OBSL1: variants seen among roughly 807,000 people sequenced by gnomAD.
OBSL1 encodes obscurin like cytoskeletal adaptor 1.
OBSL1 carries 160 observed loss-of-function variants against 172.0 expected under a neutral mutation model. The ratio of observed to expected loss-of-function variants is 0.93; its 90% CI spans 0.82 to 1.06. The LOEUF (loss-of-function observed/expected upper bound fraction) is 1.06. Among genes scored for constraint, OBSL1 ranks in the 50% least tolerant of loss-of-function variants. OBSL1 has a pLI of 0.00. For synonymous variants in OBSL1, 1,200 were observed against 1,196.3 expected, an observed-to-expected ratio of 1.00 and a Z score of -0.06; for missense variants, 2,681 against 2,715.4, an observed-to-expected ratio of 0.99 and a Z score of 0.28.
rs199584687 is a variant in OBSL1, at chr2:219,562,468, C to T, written c.2887G>A (p.Glu963Lys). 1.6e-4 allele frequency: 255 copies of T among 1,613,906 alleles called. No homozygotes were observed. The highest frequency in any genetic ancestry group is 7.7e-5 in the South Asian group (7 of 91,092). The change falls in exon 8 of 21, where the codon GAG (glutamate) becomes AAG (lysine). Residue 963 changes from glutamate (E) to lysine (K), a missense_variant. Coordinates refer to ENST00000404537, the MANE Select transcript of OBSL1 (RefSeq NM_015311.3). ...RRLVLPAVQL[E>K]DSGEYLCEID... ...TCACACAAGTACTCGCCGGAGTCCT[C>T]GAGCTGGACAGCGGGCAGCACCAGG...
Position 219,558,432 on chromosome 2 carries a change from G to C in OBSL1, c.3254C>G (p.Ala1085Gly). Residue 1085 changes from alanine (A) to glycine (G), a missense_variant, in exon 10 of 21, where the codon GCA (alanine) becomes GGA (glycine). This residue lies in a region of OBSL1 where 1,765 missense variants were observed against 1,748.3 expected (regional missense o/e 1.01). Coordinates refer to ENST00000404537, the MANE Select transcript of OBSL1 (RefSeq NM_015311.3). Reference protein sequence around the residue: ...TAPPERIVHPAARSLDLHFGA... With the variant: ...TAPPERIVHPGARSLDLHFGA... ...AAAATGCAGATCCAGGGAGCGGGCT[G>C]CCGGGTGCACAATCCTCTCTGGTGG... 6.3e-7 allele frequency: 1 copy of C among 1,577,366 alleles called. No individual in the cohort carries two copies.
At chr2:219,561,867 A>T (rs1320881453) in intron 8 of OBSL1, 1 of 717,240 alleles carries the variant, frequency 1.4e-6, no homozygotes, top group African/African-American at 1.7e-5. Context: ...GTGGGCCCCA[A>T]ACTATGGGGG....
In OBSL1 at chr2:219,551,716, C is replaced by T. The variant is rs371764312; in HGVS notation, c.5496G>A (p.Val1832=). The T allele has an allele frequency of 5.6e-6, 9 of 1,609,962 alleles. No homozygotes were observed. In the African/African-American group the frequency reaches 1.2e-4, roughly 21 times the overall value. ...VGRRAVLEVT[V]SRSGGHVCWL... ...AGCACACGTGGCCCCCCGAGCGGGACACAGTCACCTCCAGCACCGCCCGGC... is the reference window on the plus strand; with the variant it reads ...AGCACACGTGGCCCCCCGAGCGGGATACAGTCACCTCCAGCACCGCCCGGC... Residue 1832 remains valine, a synonymous_variant, in exon 20 of 21, where the codon GTG becomes GTA. Coordinates refer to ENST00000404537, the MANE Select transcript of OBSL1 (RefSeq NM_015311.3).
In OBSL1 at chr2:219,552,608, C is replaced by T; in HGVS notation, c.5236G>A (p.Glu1746Lys). The part of the protein sequence containing the change: ...ATFECTVSEV[E>K]TTGRWELGGR... ...CCGAGCTCCCAGCGCCCCGTGGTCT[C>T]GACCTCCGACACGGTGCACTCGAAC... The change falls in exon 18 of 21, where the codon GAG becomes AAG. Residue 1746 changes from glutamate to lysine, a missense_variant. Around this residue, in one of 5 missense-constraint regions of OBSL1, gnomAD observed 1,765 missense variants for 1,748.3 expected, o/e 1.01. Coordinates refer to ENST00000404537, the MANE Select transcript of OBSL1 (RefSeq NM_015311.3). 1.9e-6 allele frequency: 3 copies of T among 1,577,022 alleles called. No individual in the cohort carries two copies. Among genetic ancestry groups the T allele is most frequent in the Non-Finnish European group, 2.6e-6 (3 of 1,167,922 alleles).
chr2:219,571,416 T>TGCGGCGGCG lies in OBSL1; in HGVS notation c.-193_-185dup, dbSNP rs949845983. ...TACCCTCGGCCCCGAGCTGCAGCTC[T>TGCGGCGGCG]GCGGCGGCGGCGGCGGCGATTCCCG... On this transcript the variant is annotated 5_prime_UTR_variant, in exon 1 of 21. Transcript: ENST00000404537. 5.8e-6 allele frequency: 2 copies of TGCGGCGGCG among 347,204 alleles called. No individual in the cohort carries two copies. Among genetic ancestry groups the TGCGGCGGCG allele is most frequent in the Non-Finnish European group, 1.0e-5 (2 of 197,786 alleles). 21.5% of individuals were successfully genotyped at this position (347,204 alleles called of 1,614,324 possible).
chr2:219,549,936 C>A, downstream of OBSL1: 2 of 1,549,094 alleles, frequency 1.3e-6, no homozygotes, highest in Non-Finnish European at 8.8e-7. Context: ...AGCCTCCTGG[C>A]TTTGGCTGTC....
Position 219,551,743 on chromosome 2 carries a change from G to GC in OBSL1, c.5468dup (p.Arg1824ProfsTer30). On this transcript the variant is annotated frameshift_variant, in exon 20 of 21. Coordinates refer to ENST00000404537, the MANE Select transcript of OBSL1 (RefSeq NM_015311.3). LOFTEE classifies it high-confidence loss of function. ...CAGTCACCTCCAGCACCGCCCGGCG[G>GC]CCCACCAGAACGGTCTTCTCGCGAG... The GC allele has an allele frequency of 6.2e-7, 1 of 1,601,288 alleles. No individual in the cohort carries two copies. Among genetic ancestry groups the GC allele is most frequent in the East Asian group, 2.2e-5 (1 of 44,636 alleles).
In OBSL1 at chr2:219,563,532, C is replaced by A. The variant is rs938755846; in HGVS notation, c.2503G>T (p.Asp835Tyr). 3 of 1,613,988 alleles carry A rather than the reference C, an allele frequency of 1.9e-6. No individual in the cohort carries two copies. Among genetic ancestry groups the A allele is most frequent in the Non-Finnish European group, 2.5e-6 (3 of 1,179,888 alleles). Reference protein sequence around the residue: ...VMLACEVDREDAPVRWYKDGQ... With the variant: ...VMLACEVDREYAPVRWYKDGQ... ...TCCTTGTACCAACGCACAGGGGCGTCCTCTCGGTCCACCTCACAGGCCAGC... is the reference window on the plus strand; with the variant it reads ...TCCTTGTACCAACGCACAGGGGCGTACTCTCGGTCCACCTCACAGGCCAGC... Residue 835 changes from aspartate to tyrosine, a missense_variant, in exon 7 of 21, where the codon GAC (aspartate) becomes TAC (tyrosine). Physicochemically the swap from Asp to Tyr is radical, Grantham distance 160. Coordinates refer to ENST00000404537, the MANE Select transcript of OBSL1 (RefSeq NM_015311.3).
rs117723680 is a variant in OBSL1 at position 219,564,596 on chromosome 2, C to T, written c.2407+646G>A. Among the ~76,000 whole-genome samples, 11 of 152,360 alleles carry T rather than the reference C, an allele frequency of 7.2e-5. No individual in the cohort carries two copies. In the East Asian group the frequency reaches 2.1e-3, roughly 29 times the overall value. ...ATTGCATTTTGTTCCCCCACCCAAC[C>T]CAGCAGAGGCTATGTGGACAGCGAG... On this transcript the variant is annotated intron_variant, in intron 6 of 20. Coordinates refer to ENST00000404537, the MANE Select transcript of OBSL1 (RefSeq NM_015311.3).
chr2:219,551,565 C>T lies in OBSL1; in HGVS notation c.5647G>A (p.Gly1883Ser), dbSNP rs987646428. The change falls in exon 20 of 21, where the codon GGC becomes AGC. Residue 1883 changes from glycine to serine, a missense_variant. This residue lies in a region of OBSL1 where 1,765 missense variants were observed against 1,748.3 expected (regional missense o/e 1.01). Coordinates refer to ENST00000404537, the MANE Select transcript of OBSL1 (RefSeq NM_015311.3). ...EDQGTYCCQA[G>S]QDSTHTRLLV... ...AGCCGTGTGTGGGTGCTGTCCTGGC[C>T]GGCCTGGCAGCAGTAAGTGCCTTGG... 1.9e-6 allele frequency: 3 copies of T among 1,602,324 alleles called. No individual in the cohort carries two copies. Among genetic ancestry groups the T allele is most frequent in the East Asian group, 2.3e-5 (1 of 44,326 alleles).
chr2:219,549,933 T>C, downstream of OBSL1: 1 of 1,550,280 alleles, frequency 6.5e-7, no homozygotes, highest in Non-Finnish European at 8.8e-7. Flanking sequence ...CTCAGCCTCC[T>C]GGCTTTGGCT....
chr2:219,570,628 G>T lies in OBSL1; in HGVS notation c.605C>A (p.Pro202Gln), dbSNP rs768848439. ...LALRILAARL[P>Q]DSGVYVCHAR... is the part of the protein sequence containing the mutation. ...GTGGCACACGTAGACGCCGGAATCC[G>T]GCAGCCGAGCCGCCAGGATGCGCAG... Residue 202 changes from proline to glutamine, a missense_variant, in exon 1 of 21, where the codon CCG becomes CAG. By Grantham distance (76) the Pro-to-Gln change is moderately conservative. Transcript: ENST00000404537. 2 of 1,512,048 alleles carry T rather than the reference G, an allele frequency of 1.3e-6. No homozygotes were observed. The highest frequency in any genetic ancestry group is 1.4e-5 in the African/African-American group (1 of 69,030). 93.7% of individuals were successfully genotyped at this position (1,512,048 alleles called of 1,614,324 possible).
intron 6 of OBSL1, among the ~76,000 whole-genome samples, chr2:219,564,572 T>C (rs1473746362): frequency 1.3e-5 from 2 of 152,190 alleles, no homozygotes; most frequent in Non-Finnish European, 2.9e-5. Flanking sequence ...CTCCCCTTAA[T>C]TGCATTTTGT....
In OBSL1 at chr2:219,568,073, C is replaced by G; in HGVS notation, c.1264G>C (p.Ala422Pro). The G allele has an allele frequency of 1.2e-6, 2 of 1,610,084 alleles. No individual in the cohort carries two copies. Among genetic ancestry groups the G allele is most frequent in the Non-Finnish European group, 1.7e-6 (2 of 1,176,772 alleles). ...CEMRGRVRTVANVTVKGPILK... is the reference protein window; with the variant it reads ...CEMRGRVRTVPNVTVKGPILK... ...AGCTGACCTTTGACTGTGACGTTGG[C>G]CACGGTGCGCACCCGGCCCCGCATC... Residue 422 changes from alanine (A) to proline (P), a missense_variant, in exon 2 of 21, where the codon GCC becomes CCC. Ala to Pro is a conservative substitution (Grantham distance 27, BLOSUM62 -1). Transcript: ENST00000404537. This position sits in a 1 kb window ranked among gnomAD's most constrained non-coding sequence, Gnocchi z 4.1.
At position 219,557,592 on chromosome 2, in the gene OBSL1, C is replaced by T. The variant is rs756778521; in HGVS notation, c.3817G>A (p.Glu1273Lys). ...AEPPVRVVAPEAAQTRVRSTP... is the reference protein window; with the variant it reads ...AEPPVRVVAPKAAQTRVRSTP... ...CTCCGAACCCTCGTCTGGGCTGCCTCGGGAGCTACCACCCGCACAGGGGGC... is the reference window on the plus strand; with the variant it reads ...CTCCGAACCCTCGTCTGGGCTGCCTTGGGAGCTACCACCCGCACAGGGGGC... Residue 1273 changes from glutamate (E) to lysine (K), a missense_variant, in exon 12 of 21, where the codon GAG (glutamate) becomes AAG (lysine). Glu to Lys is a moderately conservative substitution (Grantham distance 56). Coordinates refer to ENST00000404537, the MANE Select transcript of OBSL1 (RefSeq NM_015311.3). The T allele has an allele frequency of 4.0e-5, 62 of 1,545,518 alleles. No homozygotes were observed. Among genetic ancestry groups the T allele is most frequent in the Admixed American group, 3.6e-4 (18 of 50,596 alleles).
chr2:219,563,097 C>G (rs1339805306), intron 7 of OBSL1: 1 of 514,612 alleles, frequency 1.9e-6, no homozygotes, highest in African/African-American at 1.9e-5. Context: ...CTCACTGTCC[C>G]CAGAGATTTC....
At chr2:219,570,111 C>T in intron 1 of OBSL1, 110 bp downstream of exon 1, 2 of 982,644 alleles carry the variant, frequency 2.0e-6, no homozygotes, top group Non-Finnish European at 2.8e-6. Flanking sequence ...TTCCCGCGGA[C>T]CACCTCTCCT....
chr2:219,549,883 C>CACCAGCTCT (rs1695514930), downstream of OBSL1: 1 of 1,597,734 alleles, frequency 6.3e-7, no homozygotes, highest in Non-Finnish European at 8.6e-7. Context: ...ACTCTGCAGT[C>CACCAGCTCT]ACCAGCTCTG....
intron 6 of OBSL1, among the ~76,000 whole-genome samples, 183 bp downstream of exon 6, chr2:219,565,059 C>T (rs1367395490): frequency 6.6e-6 from 1 of 152,102 alleles, no homozygotes. Context: ...AGAGTGAGAG[C>T]CTGTCTCCAA....
Sources: gnomAD v4.1 joint callset for allele counts (sites outside exome capture counted in the v4.1 genomes callset) on GRCh38, gnomAD v4.1.1 for gene constraint, gnomAD v4.1.1 regional missense constraint, Gnocchi (gnomAD v3.1) non-coding constraint, MANE v1.5 for transcripts, NCBI Gene and HGNC (gene_info 2026-07-23, HGNC 2026-07-21) for gene names.